The following PPM1H variants were observed in gnomAD, a reference collection of about 807,000 sequenced individuals.
PPM1H encodes the protein protein phosphatase, Mg2+/Mn2+ dependent 1H, also known as protein phosphatase 1H.
PPM1H carries 27 observed loss-of-function variants against 54.9 expected under a neutral mutation model. The ratio of observed to expected loss-of-function variants is 0.49; its 90% confidence interval spans 0.36 to 0.68. The LOEUF (loss-of-function observed/expected upper bound fraction) is 0.68, where lower values mean the gene tolerates loss of function less well. Ranked by LOEUF, PPM1H falls within the 30% of genes least tolerant of loss-of-function variation. The pLI, the probability that PPM1H is intolerant of heterozygous loss-of-function variation, is 0.00. For synonymous variants in PPM1H, 305 were observed against 270.8 expected, an observed-to-expected ratio of 1.13 and a Z score of -1.24; for missense variants, 596 against 667.8, an observed-to-expected ratio of 0.89 and a Z score of 1.19.
At chr12:62,659,933 G>A (rs1406344647) in intron 9 of PPM1H, among the ~76,000 whole-genome samples, 1 of 152,158 alleles carries the variant, frequency 6.6e-6, no homozygotes, top group Non-Finnish European at 1.5e-5. Flanking sequence ...AGTTCCCTCA[G>A]GCTTGAACCC....
intron 4 of PPM1H, among the ~76,000 whole-genome samples, chr12:62,769,286 C>T (rs1488541517): frequency 5.3e-5 from 8 of 152,218 alleles, no homozygotes; most frequent in African/African-American, 1.9e-4. Context: ...AAGTTGTCTG[C>T]AGAGTCCACA....
At chr12:62,762,573 T>C (rs2076515851) in intron 4 of PPM1H, among the ~76,000 whole-genome samples, 1 of 152,196 alleles carries the variant, frequency 6.6e-6, no homozygotes, top group Non-Finnish European at 1.5e-5. Context: ...AAATGAGGGT[T>C]GCCATGTGGA....
At chr12:62,797,181 T>C (rs1020930543) in intron 3 of PPM1H, among the ~76,000 whole-genome samples, 1 of 152,052 alleles carries the variant, frequency 6.6e-6, no homozygotes, top group Non-Finnish European at 1.5e-5. Flanking sequence ...TGAGCTCTTA[T>C]AAATAAAGCA....
At chr12:62,723,395 C>T (rs1460666276) in intron 5 of PPM1H, among the ~76,000 whole-genome samples, 2 of 151,572 alleles carry the variant, frequency 1.3e-5, no homozygotes, top group Non-Finnish European at 2.9e-5. Flanking sequence ...CATCTGTTTA[C>T]AAATGAACAT....
intron 6 of PPM1H, among the ~76,000 whole-genome samples, chr12:62,702,229 T>C (rs1194154127): frequency 1.3e-5 from 2 of 152,198 alleles, no homozygotes. Flanking sequence ...TATAAAATCA[T>C]AAAAAATAAC....
intron 1 of PPM1H, among the ~76,000 whole-genome samples, chr12:62,920,406 A>T (rs1200043932): frequency 1.3e-5 from 2 of 151,690 alleles, no homozygotes; most frequent in Non-Finnish European, 2.9e-5. Flanking sequence ...AGCTCACTGC[A>T]GCCTTGACCT....
Position 62,832,880 on chromosome 12 carries a change from T to C in PPM1H, c.246-601A>G, listed in dbSNP as rs537434547. Among the ~76,000 whole-genome samples, 32 of 152,304 alleles carry C rather than the reference T, an allele frequency of 2.1e-4. 1 individual carries two copies. The South Asian group carries it at 2.7e-3, about 13-fold the overall frequency. Reference sequence around the variant, plus strand: ...GGTCTTTTTTCATGTAGAATAATACTCATCACACTGGGCTATAGGCACTCT... The same window carrying C: ...GGTCTTTTTTCATGTAGAATAATACCCATCACACTGGGCTATAGGCACTCT... On this transcript the variant is annotated intron_variant, in intron 1 of 9. Transcript: ENST00000228705.
At chr12:62,848,887 G>C (rs1360855908) in intron 1 of PPM1H, among the ~76,000 whole-genome samples, 2 of 151,936 alleles carry the variant, frequency 1.3e-5, no homozygotes, top group Non-Finnish European at 2.9e-5. Flanking sequence ...TGGTGGGGTT[G>C]GGGGGGCAGT....
At chr12:62,863,159 C>G (rs1405968545) in intron 1 of PPM1H, among the ~76,000 whole-genome samples, 1 of 151,956 alleles carries the variant, frequency 6.6e-6, no homozygotes, top group Non-Finnish European at 1.5e-5. Context: ...TAGCTGGGAC[C>G]GCAGGTGCGT....
intron 4 of PPM1H, chr12:62,755,243 A>T: frequency 1.4e-6 from 1 of 720,376 alleles, no homozygotes; most frequent in South Asian, 1.4e-5. Context: ...GTGAAGATCA[A>T]AGTCAATGGA....
At chr12:62,922,289 T>C (rs1871823801) in intron 1 of PPM1H, among the ~76,000 whole-genome samples, 1 of 152,012 alleles carries the variant, frequency 6.6e-6, no homozygotes, top group South Asian at 2.1e-4. Context: ...GTTAATAAAA[T>C]GCATTTAATT....
chr12:62,803,321 GTGTTAGAT>G (rs2076783732), intron 2 of PPM1H, among the ~76,000 whole-genome samples: 1 of 152,142 alleles, frequency 6.6e-6, no homozygotes, highest in Non-Finnish European at 1.5e-5. Context: ...AATTACACAC[GTGTTAGAT>G]CTTAGAGAAA....
chr12:62,896,035 T>C (rs1870975681), intron 1 of PPM1H, among the ~76,000 whole-genome samples: 1 of 152,208 alleles, frequency 6.6e-6, no homozygotes, highest in African/African-American at 2.4e-5. Context: ...ATCAGTAGCC[T>C]AGGGAAATGC....
At position 62,867,491 on chromosome 12, in the gene PPM1H, G is replaced by C. The variant is rs559258652; in HGVS notation, c.246-35212C>G. 7.4e-5 allele frequency among the ~76,000 whole-genome samples: 11 copies of C among 149,334 alleles called. No homozygotes were observed. The South Asian group carries it at 2.1e-3, about 29-fold the overall frequency. On this transcript the variant is annotated intron_variant, in intron 1 of 9. Coordinates refer to ENST00000228705, the MANE Select transcript of PPM1H (RefSeq NM_020700.2). ...ATATAACCGCAGGGAAACAAAACACGCTAGGATCTCATCATAGCTGATACA... is the reference window on the plus strand; with the variant it reads ...ATATAACCGCAGGGAAACAAAACACCCTAGGATCTCATCATAGCTGATACA...
intron 5 of PPM1H, among the ~76,000 whole-genome samples, chr12:62,724,586 T>A (rs886133500): frequency 2.0e-5 from 3 of 152,328 alleles, no homozygotes; most frequent in Admixed American, 1.3e-4. Context: ...ATTGTGTCAC[T>A]CTGAGGCGCC....
chr12:62,774,930 A>ACTC (rs2076601290), intron 4 of PPM1H, among the ~76,000 whole-genome samples: 8 of 152,164 alleles, frequency 5.3e-5, no homozygotes, highest in Non-Finnish European at 1.0e-4. Context: ...GGAACTTGAG[A>ACTC]AAGACAATTC....
At chr12:62,789,611 C>T (rs778213196) in intron 3 of PPM1H, among the ~76,000 whole-genome samples, 1 of 152,226 alleles carries the variant, frequency 6.6e-6, no homozygotes, top group Non-Finnish European at 1.5e-5. Context: ...ACTTTCTCTA[C>T]GTCACGTAGT....
rs115335193 is a variant in PPM1H, at chr12:62,733,203, G to A, written c.954+4299C>T. On this transcript the variant is annotated intron_variant, in intron 5 of 9. Transcript: ENST00000228705. ...ATGACTCATGACTGGGCTGGGCTGG[G>A]AGAAATCCACATCACACTCCTATTT... 5.7e-3 allele frequency among the ~76,000 whole-genome samples: 866 copies of A among 152,208 alleles called. 11 individuals are homozygous for A. The highest frequency in any genetic ancestry group is 0.019 in the African/African-American group (784 of 41,532).
intron 5 of PPM1H, among the ~76,000 whole-genome samples, chr12:62,733,242 G>A (rs1410208514): frequency 6.6e-6 from 1 of 152,046 alleles, no homozygotes; most frequent in African/African-American, 2.4e-5. Context: ...TCTCATAGTT[G>A]ATACTATTTT....
Sources: gnomAD v4.1 joint callset for allele counts (sites outside exome capture counted in the v4.1 genomes callset) on GRCh38, gnomAD v4.1.1 for gene constraint, MANE v1.5 for transcripts, NCBI Gene and HGNC (gene_info 2026-07-23, HGNC 2026-07-21) for gene names.